The following C2CD3 variants were observed in gnomAD, a reference collection of about 807,000 sequenced individuals.
C2CD3 encodes the protein C2 domain containing 3 centriole elongation regulator.
C2CD3 carries 148 observed loss-of-function variants against 234.0 expected under a neutral mutation model. The ratio of observed to expected loss-of-function variants is 0.63; its 90% CI spans 0.55 to 0.72. The LOEUF (loss-of-function observed/expected upper bound fraction) is 0.72. Among genes scored for constraint, C2CD3 ranks in the 30% least tolerant of loss-of-function variants. C2CD3 has a pLI of 0.00. For synonymous variants in C2CD3, 1,000 were observed against 1,035.4 expected, an observed-to-expected ratio of 0.97 and a Z score of 0.66; for missense variants, 2,577 against 2,811.5, an observed-to-expected ratio of 0.92 and a Z score of 1.89.
At chr11:74,093,595 G>A (rs1269138236) in intron 18 of C2CD3, among the ~76,000 whole-genome samples, 1 of 152,094 alleles carries the variant, frequency 6.6e-6, no homozygotes. Flanking sequence ...TTCAATGTAA[G>A]TAGTGATTAG....
chr11:74,142,202 A>G (rs1444373086), intron 3 of C2CD3: 2 of 152,234 alleles, frequency 1.3e-5, no homozygotes, highest in Admixed American at 1.3e-4. Context: ...GCAATTTCAT[A>G]TTGTTGGAAC....
At chr11:74,016,708 TG>T (rs1379916576) in intron 32 of C2CD3, 1 of 152,210 alleles carries the variant, frequency 6.6e-6, no homozygotes, top group African/African-American at 2.4e-5. Context: ...ACAACCCTGG[TG>T]GGGTTGGCCA....
intron 26 of C2CD3, among the ~76,000 whole-genome samples, chr11:74,053,688 G>A (rs991850936): frequency 1.3e-5 from 2 of 152,216 alleles, no homozygotes; most frequent in African/African-American, 2.4e-5. Context: ...TCATACAAAC[G>A]TGGGGGGAAG....
chr11:74,113,557 G>A, intron 11 of C2CD3: 1 of 504,742 alleles, frequency 2.0e-6, no homozygotes, highest in South Asian at 2.0e-5. Context: ...GCATACGCCT[G>A]TAATCCCAGC....
At chr11:74,028,206 G>A in intron 32 of C2CD3, 81 bp downstream of exon 32, 2 of 987,614 alleles carry the variant, frequency 2.0e-6, no homozygotes, top group Non-Finnish European at 3.0e-6. Context: ...AGATGACCTG[G>A]GGCAGCTCTG....
Position 74,078,928 on chromosome 11 carries a change from T to C in C2CD3, c.4001-211A>G, listed in dbSNP as rs1407472363. Among the ~76,000 whole-genome samples the C allele has an allele frequency of 2.6e-5, 4 of 152,242 alleles. No homozygotes were observed. In the East Asian group the frequency reaches 7.7e-4, roughly 29 times the overall value. ...AAGGCTAGGAGTTGGAAGATCTGAGTTCTCTTTGGCTATGGCTAGAACTAG... is the reference window on the plus strand; with the variant it reads ...AAGGCTAGGAGTTGGAAGATCTGAGCTCTCTTTGGCTATGGCTAGAACTAG... On this transcript the variant is annotated intron_variant, in intron 22 of 32. Coordinates refer to ENST00000334126, the MANE Select transcript of C2CD3 (RefSeq NM_001286577.2).
In C2CD3 at chr11:74,109,071, G is replaced by A. The variant is rs772408113; in HGVS notation, c.1925C>T (p.Thr642Ile). Residue 642 changes from threonine (T) to isoleucine (I), a missense_variant, in exon 12 of 33, where the codon ACT (threonine) becomes ATT (isoleucine). By Grantham distance (89) the Thr-to-Ile change is moderately conservative (BLOSUM62 -1). Transcript: ENST00000334126. ...AGTTTTCTTTACATAAATTTGGAAAGTGAGGTTGGAATTCCACCAGTGCTC... is the reference window on the plus strand; with the variant it reads ...AGTTTTCTTTACATAAATTTGGAAAATGAGGTTGGAATTCCACCAGTGCTC... ...MIEHWWNSNL[T>I]FQIYVKKTPQ... The A allele has an allele frequency of 5.9e-5, 94 of 1,605,594 alleles. No homozygotes were observed. Among genetic ancestry groups the A allele is most frequent in the Non-Finnish European group, 7.7e-5 (91 of 1,175,912 alleles).
intron 32 of C2CD3, 31 bp from the exon 33 acceptor site, chr11:74,013,556 C>G: frequency 7.7e-7 from 1 of 1,294,334 alleles, no homozygotes; most frequent in Non-Finnish European, 9.9e-7. Context: ...TAGGTTACCA[C>G]TGAGGATATG....
intron 7 of C2CD3, among the ~76,000 whole-genome samples, chr11:74,125,869 CACTCCTTAGAA>C (rs1346367042): frequency 1.3e-5 from 2 of 152,162 alleles, no homozygotes; most frequent in African/African-American, 4.8e-5. Flanking sequence ...TCCACCTCTG[CACTCCTTAGAA>C]ACATCCCTAC....
At chr11:74,053,513 T>C (rs1325094005) in intron 26 of C2CD3, among the ~76,000 whole-genome samples, 1 of 152,252 alleles carries the variant, frequency 6.6e-6, no homozygotes, top group Non-Finnish European at 1.5e-5. Flanking sequence ...TGCTGTGTTA[T>C]GCCTCTTAAT....
chr11:74,050,445 C>G (rs1953621190), intron 26 of C2CD3, among the ~76,000 whole-genome samples: 1 of 152,160 alleles, frequency 6.6e-6, no homozygotes, highest in South Asian at 2.1e-4. Flanking sequence ...TTCTCATATT[C>G]TTTGCTACTT....
intron 24 of C2CD3, among the ~76,000 whole-genome samples, chr11:74,058,325 A>T (rs754901825): frequency 2.0e-5 from 3 of 152,196 alleles, no homozygotes; most frequent in Non-Finnish European, 4.4e-5. Flanking sequence ...CATATCACTT[A>T]CTGTGATATG....
chr11:74,138,666 G>A (rs1020994710), intron 5 of C2CD3, 54 bp downstream of exon 5: 79 of 1,453,176 alleles, frequency 5.4e-5, no homozygotes, highest in Non-Finnish European at 5.8e-6. Context: ...CTAACAAGCA[G>A]AGCAATCCCA....
rs1855340711 is a variant in C2CD3 at position 74,148,089 on chromosome 11, TCTAA to T, written c.484-8265_484-8262del. The stretch of plus-strand genomic sequence containing the variant: ...TTAAATTTTACAAATTTTACAAATG[TCTAA>T]CTATCAAAACTATTTTGCCAAGATT... On this transcript the variant is annotated intron_variant, in intron 3 of 32. Transcript: ENST00000334126. 2.6e-5 allele frequency among the ~76,000 whole-genome samples: 4 copies of T among 152,070 alleles called. No individual in the cohort carries two copies. The Middle Eastern group carries it at 0.01, about 391-fold the overall frequency.
At chr11:74,017,737 G>T (rs541658592) in intron 32 of C2CD3, among the ~76,000 whole-genome samples, 1 of 152,262 alleles carries the variant, frequency 6.6e-6, no homozygotes, top group South Asian at 2.1e-4. Flanking sequence ...GGCTTATCCC[G>T]GCCCTTGGCT....
At chr11:74,169,343 A>G (rs1857004956) in intron 1 of C2CD3, among the ~76,000 whole-genome samples, 1 of 152,218 alleles carries the variant, frequency 6.6e-6, no homozygotes, top group South Asian at 2.1e-4. Flanking sequence ...ACTTTCTAAA[A>G]AATTTTCCTT....
intron 32 of C2CD3, chr11:74,016,800 A>T (rs909610539): frequency 1.3e-5 from 2 of 152,216 alleles, no homozygotes; most frequent in Admixed American, 6.5e-5. Context: ...CTGGCTGTAG[A>T]CCTGAGGGCA....
At chr11:74,018,763 G>C (rs1951969543) in intron 32 of C2CD3, among the ~76,000 whole-genome samples, 1 of 152,220 alleles carries the variant, frequency 6.6e-6, no homozygotes, top group Non-Finnish European at 1.5e-5. Flanking sequence ...ACTTAGACTA[G>C]AGGCCCAGCC....
At chr11:74,030,858 G>A (rs940002606) in intron 31 of C2CD3, among the ~76,000 whole-genome samples, 1 of 152,168 alleles carries the variant, frequency 6.6e-6, no homozygotes, top group Non-Finnish European at 1.5e-5. Flanking sequence ...GATATCACCT[G>A]CCGGGTAACT....
Sources: gnomAD v4.1 joint callset for allele counts (sites outside exome capture counted in the v4.1 genomes callset) on GRCh38, gnomAD v4.1.1 for gene constraint, MANE v1.5 for transcripts, NCBI Gene and HGNC (gene_info 2026-07-23, HGNC 2026-07-21) for gene names.